SLC45A4: variants seen among roughly 807,000 people sequenced by gnomAD.
The protein encoded by SLC45A4 is solute carrier family 45 member 4.
In SLC45A4, 32 loss-of-function variants were observed where a neutral mutation model predicts 63.7. The observed-to-expected ratio is 0.50, with a 90% confidence interval of 0.38 to 0.67. SLC45A4 has a LOEUF of 0.67. Among genes scored for constraint, SLC45A4 ranks in the 30% least tolerant of loss-of-function variants. The pLI is 0.00. For missense variants in SLC45A4, 1,027 were observed against 1,157.7 expected (o/e 0.89, Z 1.64); for synonymous variants, 535 against 510.0 (o/e 1.05, Z -0.66).
chr8:141,289,879 G>A (rs559302977), intron 1 of SLC45A4, among the ~76,000 whole-genome samples: 1 of 151,820 alleles, frequency 6.6e-6, no homozygotes. Flanking sequence ...CTGCCCTGGA[G>A]GCCCCGGACA....
intron 1 of SLC45A4, among the ~76,000 whole-genome samples, chr8:141,258,893 T>TTA (rs1554597243): frequency 1.1e-3 from 161 of 146,350 alleles, no homozygotes; most frequent in African/African-American, 1.9e-3. Context: ...CTCTTTTTTT[T>TTA]AAAAAAAAAA....
intron 1 of SLC45A4, chr8:141,292,690 G>A (rs1027420280): frequency 4.6e-5 from 7 of 152,826 alleles, no homozygotes; most frequent in Admixed American, 1.3e-4. Flanking sequence ...CTCTCTCCTT[G>A]CAGGTGCCAC....
chr8:141,266,372 G>C (rs1382010666), intron 1 of SLC45A4, among the ~76,000 whole-genome samples: 1 of 152,190 alleles, frequency 6.6e-6, no homozygotes, highest in Non-Finnish European at 1.5e-5. Context: ...CCCAGAAACA[G>C]GCATGAGTAG....
intron 8 of SLC45A4, 67 bp downstream of exon 8, chr8:141,212,130 G>GGC: frequency 1.7e-6 from 2 of 1,210,960 alleles, no homozygotes; most frequent in Admixed American, 4.4e-5. Flanking sequence ...CCATGGCCTG[G>GGC]CCCCGCCGCC....
intron 2 of SLC45A4, among the ~76,000 whole-genome samples, chr8:141,245,415 G>T (rs1828140569): frequency 6.6e-6 from 1 of 152,172 alleles, no homozygotes; most frequent in South Asian, 2.1e-4. Context: ...CATCATAAAG[G>T]AAAGTGTTAA....
At chr8:141,221,536 G>A (rs367733453) in intron 3 of SLC45A4, 41 bp downstream of exon 3, 24 of 1,587,942 alleles carry the variant, frequency 1.5e-5, no homozygotes, top group East Asian at 9.0e-5. Context: ...CCAGGACCCC[G>A]TCTGTGTTGT....
At chr8:141,273,713 C>T (rs1829624169) in intron 1 of SLC45A4, among the ~76,000 whole-genome samples, 1 of 151,960 alleles carries the variant, frequency 6.6e-6, no homozygotes. Flanking sequence ...CATGTAAAAT[C>T]AAGTCAAATC....
At chr8:141,292,988 A>ATCCGAT (rs1340380818) in intron 1 of SLC45A4, 8 of 152,356 alleles carry the variant, frequency 5.3e-5, no homozygotes, top group Middle Eastern at 3.4e-3. Context: ...CCTAGGGCCC[A>ATCCGAT]GATTACAGGT....
At chr8:141,245,759 G>T (rs1828159371) in intron 2 of SLC45A4, among the ~76,000 whole-genome samples, 1 of 152,148 alleles carries the variant, frequency 6.6e-6, no homozygotes, top group South Asian at 2.1e-4. Flanking sequence ...GCCTCCCAGG[G>T]GCAGCAGCAC....
chr8:141,287,867 C>G (rs1249033985), intron 1 of SLC45A4, among the ~76,000 whole-genome samples: 2 of 152,146 alleles, frequency 1.3e-5, no homozygotes, highest in Non-Finnish European at 2.9e-5. Context: ...CAGGAGGGCC[C>G]GGGCCAGGGG....
intron 1 of SLC45A4, among the ~76,000 whole-genome samples, chr8:141,283,434 TG>T (rs1451028459): frequency 2.6e-5 from 4 of 152,202 alleles, no homozygotes; most frequent in Non-Finnish European, 5.9e-5. Context: ...CAGTGCACCC[TG>T]GGACAGGCAG....
intron 7 of SLC45A4, 109 bp from the exon 8 acceptor site, chr8:141,212,665 C>CTG: frequency 1.5e-6 from 2 of 1,355,850 alleles, no homozygotes; most frequent in South Asian, 3.0e-5. Context: ...ACCCGTCTTC[C>CTG]ACCGAGTCTC....
chr8:141,306,912 C>G (rs1437153763), intron 1 of SLC45A4, among the ~76,000 whole-genome samples: 1 of 152,208 alleles, frequency 6.6e-6, no homozygotes, highest in East Asian at 1.9e-4. Context: ...GGGTCATAGA[C>G]TGGAAAAGAC....
At chr8:141,231,383 C>T (rs185467688) in intron 2 of SLC45A4, among the ~76,000 whole-genome samples, 10 of 152,310 alleles carry the variant, frequency 6.6e-5, no homozygotes, top group African/African-American at 1.7e-4. Context: ...ATGAGGAGGC[C>T]GGTTTGGTCC....
At chr8:141,269,306 AAGTC>A (rs1829416005) in intron 1 of SLC45A4, among the ~76,000 whole-genome samples, 1 of 152,238 alleles carries the variant, frequency 6.6e-6, no homozygotes, top group South Asian at 2.1e-4. Context: ...TTTGTGCCAC[AAGTC>A]AGGGCACTTC....
At chr8:141,263,857 T>C (rs1309018785) in intron 1 of SLC45A4, among the ~76,000 whole-genome samples, 2 of 151,876 alleles carry the variant, frequency 1.3e-5, no homozygotes, top group Non-Finnish European at 2.9e-5. Context: ...CCTATCACCT[T>C]GTCAAGGAGT....
At chr8:141,288,470 G>A (rs1344889886) in intron 1 of SLC45A4, among the ~76,000 whole-genome samples, 3 of 152,238 alleles carry the variant, frequency 2.0e-5, no homozygotes, top group Non-Finnish European at 4.4e-5. Flanking sequence ...AGCCCTGACC[G>A]TGTCTGATGG....
At chr8:141,273,467 C>T (rs1283669794) in intron 1 of SLC45A4, among the ~76,000 whole-genome samples, 3 of 152,152 alleles carry the variant, frequency 2.0e-5, no homozygotes, top group East Asian at 3.9e-4. Context: ...CTCTGAGTCG[C>T]GGTTACTTTA....
chr8:141,215,661 C>A lies in SLC45A4; in HGVS notation c.1941+98G>T, dbSNP rs1826097506. 3.9e-6 allele frequency: 5 copies of A among 1,270,496 alleles called. No homozygotes were observed. The East Asian group carries it at 9.6e-5, about 24-fold the overall frequency. 78.7% of individuals were successfully genotyped at this position (1,270,496 alleles called of 1,614,324 possible). ...GGAGAGGAAGGAGGGCCATCTGTGT[C>A]GTGAACGTCCCCCCGGGGAAGCACA... is the stretch of plus-strand genomic sequence containing the variant. On this transcript the variant is annotated intron_variant, in intron 7 of 8. Coordinates refer to ENST00000517878, the MANE Select transcript of SLC45A4 (RefSeq NM_001286646.2). The surrounding 1 kb of genome is among the most constrained non-coding windows in gnomAD (Gnocchi z 4.3).
Sources: allele counts gnomAD v4.1 joint callset (sites outside exome capture counted in the v4.1 genomes callset), GRCh38; gene constraint gnomAD v4.1.1; non-coding constraint Gnocchi (gnomAD v3.1); transcripts MANE v1.5; gene names NCBI Gene and HGNC (gene_info 2026-07-23, HGNC 2026-07-21).